FAM228A: variants seen among roughly 807,000 people sequenced by gnomAD.
The protein encoded by FAM228A is protein FAM228A.
A neutral mutation model predicts 18.6 loss-of-function variants in FAM228A; 13 were observed. That is an observed-to-expected ratio of 0.70 (90% confidence interval 0.45 to 1.11). The LOEUF (loss-of-function observed/expected upper bound fraction) is 1.11. FAM228A is among the 50% of genes least tolerant of loss of function. The pLI, the probability that FAM228A is intolerant of heterozygous loss-of-function variation, is 0.00. For missense variants in FAM228A, 240 were observed against 242.2 expected, an observed-to-expected ratio of 0.99 and a Z score of 0.06; for synonymous variants, 77 against 86.6, an observed-to-expected ratio of 0.89 and a Z score of 0.61.
intron 3 of FAM228A, among the ~76,000 whole-genome samples, chr2:24,182,265 G>A (rs1667833358): frequency 1.3e-5 from 2 of 152,324 alleles, no homozygotes; most frequent in African/African-American, 2.4e-5. Flanking sequence ...TAAAAAATAT[G>A]TATGGCTCTG....
intron 5 of FAM228A, among the ~76,000 whole-genome samples, chr2:24,187,606 A>G (rs1667980455): frequency 6.6e-6 from 1 of 152,076 alleles, no homozygotes; most frequent in Non-Finnish European, 1.5e-5. Flanking sequence ...ACTAACCCCT[A>G]GCAACCAGTG....
At chr2:24,184,003 G>A (rs1321734110) in intron 5 of FAM228A, among the ~76,000 whole-genome samples, 20 of 152,132 alleles carry the variant, frequency 1.3e-4, no homozygotes. Flanking sequence ...AGTTTATCTT[G>A]CGTATTTTTG....
chr2:24,177,032 G>A (rs1026711935), intron 2 of FAM228A, among the ~76,000 whole-genome samples: 4 of 152,220 alleles, frequency 2.6e-5, no homozygotes, highest in Admixed American at 6.5e-5. Context: ...GAGGCCATGA[G>A]CTCTCACTAA....
intron 2 of FAM228A, 86 bp from the exon 3 acceptor site, chr2:24,177,716 A>T: frequency 1.3e-6 from 1 of 750,870 alleles, no homozygotes; most frequent in Admixed American, 2.5e-5. Flanking sequence ...ATTTACACTA[A>T]AACTATTGGT....
At chr2:24,177,771 C>T in intron 2 of FAM228A, 31 bp from the exon 3 acceptor site, 1 of 1,278,930 alleles carries the variant, frequency 7.8e-7, no homozygotes. Context: ...CTTCAGGATT[C>T]ACATCTTAAT....
At chr2:24,178,486 ATTGC>A (rs1296137643) in intron 3 of FAM228A, among the ~76,000 whole-genome samples, 2 of 152,128 alleles carry the variant, frequency 1.3e-5, no homozygotes, top group Non-Finnish European at 2.9e-5. Flanking sequence ...AGGCAGGAGG[ATTGC>A]TTGAGCTCAG....
intron 5 of FAM228A, among the ~76,000 whole-genome samples, chr2:24,185,026 T>C (rs1351903576): frequency 6.6e-6 from 1 of 152,166 alleles, no homozygotes; most frequent in African/African-American, 2.4e-5. Context: ...TTTCACCATG[T>C]TGGCCAGGAT....
chr2:24,184,384 A>C (rs1276877874), intron 5 of FAM228A, among the ~76,000 whole-genome samples: 1 of 152,140 alleles, frequency 6.6e-6, no homozygotes, highest in African/African-American at 2.4e-5. Context: ...TGTCAAAAAA[A>C]AAAAAAAAAA....
At chr2:24,182,455 G>C (rs549098120) in intron 3 of FAM228A, among the ~76,000 whole-genome samples, 6 of 152,276 alleles carry the variant, frequency 3.9e-5, no homozygotes, top group Admixed American at 1.3e-4. Flanking sequence ...CCAGCACTGG[G>C]ATGAGTGCTG....
In FAM228A at chr2:24,175,458, A is replaced by G; in HGVS notation, c.-14-9A>G. 1 of 1,598,548 alleles carries G rather than the reference A, an allele frequency of 6.3e-7. No individual in the cohort carries two copies. The highest frequency in any genetic ancestry group is 8.6e-7 in the Non-Finnish European group (1 of 1,165,804). Reference sequence around the variant, plus strand: ...TTCCTCAGCCTCAGTTTACCTTTTCATCCCTCAGGGATTCTCCTGTCCATG... The same window carrying G: ...TTCCTCAGCCTCAGTTTACCTTTTCGTCCCTCAGGGATTCTCCTGTCCATG... On this transcript the variant is annotated splice_polypyrimidine_tract_variant and intron_variant, in intron 1 of 5. Transcript: ENST00000295150.
At chr2:24,189,974 C>T (rs1668041245) in intron 5 of FAM228A, among the ~76,000 whole-genome samples, 1 of 152,182 alleles carries the variant, frequency 6.6e-6, no homozygotes, top group Non-Finnish European at 1.5e-5. Flanking sequence ...GTCCCTGCCT[C>T]TTTGGGGCTA....
chr2:24,182,208 C>T (rs1008517085), intron 3 of FAM228A, among the ~76,000 whole-genome samples: 6 of 152,130 alleles, frequency 3.9e-5, no homozygotes, highest in Non-Finnish European at 1.5e-5. Context: ...TTCAGTTTTT[C>T]GCTCCCATGC....
intron 5 of FAM228A, among the ~76,000 whole-genome samples, chr2:24,188,294 T>C (rs1379936081): frequency 6.6e-6 from 1 of 152,210 alleles, no homozygotes; most frequent in African/African-American, 2.4e-5. Context: ...ATGTGCAGAT[T>C]GTGCAGGTTT....
At chr2:24,184,073 C>T (rs1370245728) in intron 5 of FAM228A, among the ~76,000 whole-genome samples, 1 of 152,126 alleles carries the variant, frequency 6.6e-6, no homozygotes, top group Non-Finnish European at 1.5e-5. Context: ...CTTTAAAAAA[C>T]ATCTTTATTA....
At chr2:24,190,084 C>T (rs1001101852) in intron 5 of FAM228A, among the ~76,000 whole-genome samples, 3 of 152,252 alleles carry the variant, frequency 2.0e-5, no homozygotes, top group African/African-American at 4.8e-5. Context: ...CAAGTGGAGG[C>T]GCCGTTCTGC....
chr2:24,187,744 A>T (rs375876478), intron 5 of FAM228A, among the ~76,000 whole-genome samples: 4 of 152,216 alleles, frequency 2.6e-5, no homozygotes, highest in East Asian at 1.9e-4. Flanking sequence ...TAAGAATGTT[A>T]GGTTGGCAGT....
At chr2:24,187,814 T>C (rs1270454291) in intron 5 of FAM228A, among the ~76,000 whole-genome samples, 1 of 152,256 alleles carries the variant, frequency 6.6e-6, no homozygotes, top group Admixed American at 6.5e-5. Flanking sequence ...AGTCACTTGC[T>C]AGTCTTACTG....
At chr2:24,176,320 A>G (rs1347749111) in intron 2 of FAM228A, 10 of 555,162 alleles carry the variant, frequency 1.8e-5, no homozygotes, top group Non-Finnish European at 2.3e-5. Flanking sequence ...TAATTGTTTT[A>G]CATACTTTTT....
chr2:24,175,549 G>A lies in FAM228A; in HGVS notation c.69G>A (p.Glu23=). Reference sequence around the variant, plus strand: ...CAGAAAAGTTAAGAGAATGGCCGGAGCCCGAGTCCGTTTCTTTAATGGAGG... The same window carrying A: ...CAGAAAAGTTAAGAGAATGGCCGGAACCCGAGTCCGTTTCTTTAATGGAGG... ...FRPEKLREWP[E]PESVSLMEVL... is the part of the protein sequence containing the mutation. The change falls in exon 2 of 6, where the codon GAG becomes GAA. Residue 23 remains glutamate, a synonymous_variant. Transcript: ENST00000295150. The A allele has an allele frequency of 1.2e-6, 2 of 1,614,116 alleles. No individual in the cohort carries two copies. The highest frequency in any genetic ancestry group is 1.7e-6 in the Non-Finnish European group (2 of 1,179,928).
Sources: gnomAD v4.1 joint callset for allele counts (sites outside exome capture counted in the v4.1 genomes callset) on GRCh38, gnomAD v4.1.1 for gene constraint, MANE v1.5 for transcripts, NCBI Gene and HGNC (gene_info 2026-07-23, HGNC 2026-07-21) for gene names.